The following SDK2 variants were observed in gnomAD, a reference collection of about 807,000 sequenced individuals.
The protein encoded by SDK2 is protein sidekick-2.
A neutral mutation model predicts 253.9 loss-of-function variants in SDK2; 105 were observed. That is an observed-to-expected ratio of 0.41 (90% CI 0.35 to 0.49). SDK2 has a LOEUF of 0.49. Among genes scored for constraint, SDK2 ranks in the 20% least tolerant of loss-of-function variants. SDK2 has a pLI of 0.06. For synonymous variants in SDK2, 1,249 were observed against 1,234.9 expected (o/e 1.01, Z -0.24); for missense variants, 2,608 against 3,003.0 (o/e 0.87, Z 3.07).
At chr17:73,487,696 GATGGAGCC>G (rs1176948216) in intron 2 of SDK2, among the ~76,000 whole-genome samples, 1 of 152,240 alleles carries the variant, frequency 6.6e-6, no homozygotes, top group African/African-American at 2.4e-5. Flanking sequence ...TCTGTGATGA[GATGGAGCC>G]ACGGGTGTGA....
Position 73,534,733 on chromosome 17 carries a change from G to C in SDK2, c.65-27136C>G, listed in dbSNP as rs374175054. ...TCCATTTGCCTGACAGCTGAGAGTG[G>C]AGTAGGCCTAGGCCCTGACCTTTCT... is the stretch of plus-strand genomic sequence containing the variant. On this transcript the variant is annotated intron_variant, in intron 1 of 44. Coordinates refer to ENST00000392650, the MANE Select transcript of SDK2 (RefSeq NM_001144952.2). The surrounding 1 kb of genome is among the most constrained non-coding windows in gnomAD (Gnocchi z 4.9). 6.4e-4 allele frequency among the ~76,000 whole-genome samples: 98 copies of C among 152,276 alleles called. 1 individual carries two copies. Among genetic ancestry groups the C allele is most frequent in the African/African-American group, 2.3e-3 (97 of 41,548 alleles).
In SDK2 at chr17:73,337,047, A is replaced by ATGTG. The variant is rs1162306143; in HGVS notation, c.*1536_*1539dup. On this transcript the variant is annotated 3_prime_UTR_variant, in exon 45 of 45. Transcript: ENST00000392650. The stretch of plus-strand genomic sequence containing the variant: ...GAACACTCCTTGGAGCAGATTGTGT[A>ATGTG]TGTGTATGTGTGTGTGTGTGTGTGT... The ATGTG allele has an allele frequency of 2.8e-5, 4 of 143,096 alleles. No individual in the cohort carries two copies. Among genetic ancestry groups the ATGTG allele is most frequent in the South Asian group, 2.3e-4 (1 of 4,346 alleles). The allele number at this position is 143,096 out of a possible 1,614,324, so 8.9% of individuals were successfully genotyped here. A position where few individuals can be genotyped will look rare whatever the true frequency, so the allele number is the denominator to read the frequency against.
At chr17:73,501,524 G>A (rs2063891171) in intron 2 of SDK2, among the ~76,000 whole-genome samples, 1 of 152,216 alleles carries the variant, frequency 6.6e-6, no homozygotes, top group African/African-American at 2.4e-5. Context: ...TCCTTGCTGT[G>A]CTCCCAGCTC....
At chr17:73,386,584 C>G in intron 30 of SDK2, 36 bp from the exon 31 acceptor site, 1 of 1,432,430 alleles carries the variant, frequency 7.0e-7, no homozygotes, top group Non-Finnish European at 9.6e-7. Flanking sequence ...AGCCAAGGTG[C>G]TCCTTAAAGG....
intron 1 of SDK2, among the ~76,000 whole-genome samples, chr17:73,567,241 G>A (rs548427764): frequency 6.6e-6 from 1 of 152,238 alleles, no homozygotes; most frequent in Non-Finnish European, 1.5e-5. Flanking sequence ...ACCATTCAGG[G>A]CTCCACTTCA....
chr17:73,415,774 C>A, intron 17 of SDK2, 37 bp downstream of exon 17: 1 of 1,526,866 alleles, frequency 6.5e-7, no homozygotes. Flanking sequence ...CACGCATGAG[C>A]CACCGCGCCT....
intron 24 of SDK2, among the ~76,000 whole-genome samples, chr17:73,397,521 C>T (rs2062981597): frequency 1.3e-5 from 2 of 152,210 alleles, no homozygotes; most frequent in African/African-American, 4.8e-5. Context: ...CTGTCACAGG[C>T]TTGTTGTCAG....
At chr17:73,540,612 AAGCAAAACACTTCGTGCGTG>A (rs1195963844) in intron 1 of SDK2, among the ~76,000 whole-genome samples, 2 of 152,184 alleles carry the variant, frequency 1.3e-5, no homozygotes, top group Non-Finnish European at 1.5e-5. Flanking sequence ...GCTCCCACTT[AAGCAAAACACTTCGTGCGTG>A]ACCCTGGTGC....
intron 1 of SDK2, among the ~76,000 whole-genome samples, chr17:73,587,651 C>G (rs2145892668): frequency 6.6e-6 from 1 of 152,334 alleles, no homozygotes; most frequent in African/African-American, 2.4e-5. Context: ...GCAGCCTCTC[C>G]TGACTCTTCC....
At chr17:73,503,704 A>G (rs1455532370) in intron 2 of SDK2, among the ~76,000 whole-genome samples, 1 of 152,154 alleles carries the variant, frequency 6.6e-6, no homozygotes, top group African/African-American at 2.4e-5. Context: ...ACGTGGCTGT[A>G]GTGTGAGGGC....
Position 73,431,146 on chromosome 17 carries a change from C to T in SDK2, c.1480+356G>A, listed in dbSNP as rs1280369636. On this transcript the variant is annotated intron_variant, in intron 11 of 44. Transcript: ENST00000392650. The surrounding 1 kb of genome is among the most constrained non-coding windows in gnomAD (Gnocchi z 5.6). ...TAGATAAAACGGAAGCTAGTTGAGT[C>T]GTTGTGACAGAGACCGTCTGGCCCA... Among the ~76,000 whole-genome samples, 2 of 152,202 alleles carry T rather than the reference C, an allele frequency of 1.3e-5. No individual in the cohort carries two copies. Among genetic ancestry groups the T allele is most frequent in the Non-Finnish European group, 2.9e-5 (2 of 68,036 alleles).
At chr17:73,350,190 T>TGGGCACTGCTTGGCCTGGCCCCCCACCC in intron 43 of SDK2, 47 bp downstream of exon 43, 2 of 163,678 alleles carry the variant, frequency 1.2e-5, no homozygotes, top group Non-Finnish European at 9.7e-6. Flanking sequence ...TCTCCCCACC[T>TGGGCACTGCTTGGCCTGGCCCCCCACCC]GGGCACTGCT....
intron 1 of SDK2, among the ~76,000 whole-genome samples, chr17:73,536,437 C>A (rs143148262): frequency 8.9e-4 from 135 of 152,158 alleles, no homozygotes; most frequent in African/African-American, 3.1e-3. Flanking sequence ...CCGAGGCTTC[C>A]GCTGACCCCT....
At chr17:73,567,074 G>C (rs796102846) in intron 1 of SDK2, among the ~76,000 whole-genome samples, 1 of 152,192 alleles carries the variant, frequency 6.6e-6, no homozygotes, top group South Asian at 2.1e-4. Flanking sequence ...ACATTTGGAA[G>C]GTCTTTGGGG....
Position 73,501,241 on chromosome 17 carries a change from T to C in SDK2, c.224+6197A>G, listed in dbSNP as rs118074360. 1.2e-3 allele frequency among the ~76,000 whole-genome samples: 72 copies of C among 62,442 alleles called. 1 individual carries two copies. The highest frequency in any genetic ancestry group is 1.7e-3 in the Non-Finnish European group (54 of 32,634). 41.0% of individuals were successfully genotyped at this position (62,442 alleles called of 152,430 possible). On this transcript the variant is annotated intron_variant, in intron 2 of 44. Coordinates refer to ENST00000392650, the MANE Select transcript of SDK2 (RefSeq NM_001144952.2). ...ACACAAACACATACATGCATGTGCA[T>C]GCACACACACACACACACATATTTT... is the stretch of plus-strand genomic sequence containing the variant.
chr17:73,429,594 T>C (rs976550119), intron 12 of SDK2, among the ~76,000 whole-genome samples: 3 of 152,370 alleles, frequency 2.0e-5, no homozygotes, highest in African/African-American at 4.8e-5. Flanking sequence ...GCCTTCGGCA[T>C]GAGGAGGAGG....
rs1178746399 is a variant in SDK2 at position 73,511,605 on chromosome 17, G to C, written c.65-4008C>G. Reference sequence around the variant, plus strand: ...CTGGGTACCAGGCCCTGGGCTGGGGGCTCCACATCCCTCGCCTCCTGTGGT... The same window carrying C: ...CTGGGTACCAGGCCCTGGGCTGGGGCCTCCACATCCCTCGCCTCCTGTGGT... On this transcript the variant is annotated intron_variant, in intron 1 of 44. Coordinates refer to ENST00000392650, the MANE Select transcript of SDK2 (RefSeq NM_001144952.2). The surrounding 1 kb of genome is among the most constrained non-coding windows in gnomAD (Gnocchi z 4.9). Among the ~76,000 whole-genome samples the C allele has an allele frequency of 1.3e-5, 2 of 152,178 alleles. No individual in the cohort carries two copies. The highest frequency in any genetic ancestry group is 1.5e-5 in the Non-Finnish European group (1 of 68,016).
At chr17:73,478,270 C>A (rs1180490650) in intron 2 of SDK2, among the ~76,000 whole-genome samples, 1 of 152,222 alleles carries the variant, frequency 6.6e-6, no homozygotes, top group Non-Finnish European at 1.5e-5. Context: ...TCTCAAAAAT[C>A]TTTCCGTAGC....
At chr17:73,368,254 G>A (rs1039368274) in intron 37 of SDK2, among the ~76,000 whole-genome samples, 153 bp downstream of exon 37, 1 of 152,222 alleles carries the variant, frequency 6.6e-6, no homozygotes, top group Admixed American at 6.5e-5. Context: ...CCACTTGGGA[G>A]GGTGTCTCTG....
Sources: allele counts gnomAD v4.1 joint callset (sites outside exome capture counted in the v4.1 genomes callset), GRCh38; gene constraint gnomAD v4.1.1; non-coding constraint Gnocchi (gnomAD v3.1); transcripts MANE v1.5; gene names NCBI Gene and HGNC (gene_info 2026-07-23, HGNC 2026-07-21).